ERICH1: variants seen among roughly 807,000 people sequenced by gnomAD.
ERICH1 encodes the protein glutamate-rich protein 1.
Under a neutral mutation model 39.6 loss-of-function variants are expected in ERICH1, and 56 were observed. That is an observed-to-expected ratio of 1.41 (90% CI 1.14 to 1.77). ERICH1 has a LOEUF of 1.77. ERICH1 is among the 40% of genes most tolerant of loss of function. The pLI is 0.00. For missense variants in ERICH1, 826 were observed against 575.4 expected (o/e 1.44, Z -4.45); for synonymous variants, 313 against 223.6 (o/e 1.40, Z -3.57).
In ERICH1 at chr8:636,430, T is replaced by A. The variant is rs559458058; in HGVS notation, c.977-21146A>T. Reference sequence around the variant, plus strand: ...GTTCCTCCCTCATAGAAAATACTCTTAGCTGTTCCCAAAGGAGACGGCCCA... The same window carrying A: ...GTTCCTCCCTCATAGAAAATACTCTAAGCTGTTCCCAAAGGAGACGGCCCA... On this transcript the variant is annotated intron_variant, in intron 3 of 3. Coordinates refer to the ERICH1 transcript ENST00000522706. Among the ~76,000 whole-genome samples, 4 of 152,336 alleles carry A rather than the reference T, an allele frequency of 2.6e-5. No homozygotes were observed. In the East Asian group the frequency reaches 5.8e-4, roughly 22 times the overall value.
chr8:700,320 CG>C (rs1811697385), intron 2 of ERICH1, among the ~76,000 whole-genome samples: 2 of 111,670 alleles, frequency 1.8e-5, no homozygotes, highest in African/African-American at 5.9e-5. Flanking sequence ...CCCGCACACG[CG>C]CACAGGCCCG....
intron 3 of ERICH1, among the ~76,000 whole-genome samples, chr8:684,281 G>A (rs1806803916): frequency 6.6e-6 from 1 of 152,006 alleles, no homozygotes. Context: ...TTAATTTAAA[G>A]AATAGGAAAG....
chr8:679,354 A>G (rs1805589738), intron 3 of ERICH1, among the ~76,000 whole-genome samples: 1 of 95,156 alleles, frequency 1.1e-5, no homozygotes, highest in South Asian at 4.1e-4. Context: ...CCCACCCCTC[A>G]CAAAAGCTCT....
intron 5 of ERICH1, chr8:667,147 C>G (rs1802378668): frequency 6.5e-6 from 1 of 152,830 alleles, no homozygotes; most frequent in Non-Finnish European, 1.5e-5. Context: ...TAGAAGCCCA[C>G]AAGGCTCACA....
intron 3 of ERICH1, among the ~76,000 whole-genome samples, chr8:688,251 G>C (rs1244059882): frequency 1.5e-5 from 1 of 66,254 alleles, no homozygotes; most frequent in South Asian, 5.4e-4. Flanking sequence ...AAGGTAAAGC[G>C]GCACCCCGCC....
intron 2 of ERICH1, among the ~76,000 whole-genome samples, chr8:703,404 C>T (rs1249772581): frequency 6.6e-6 from 1 of 152,032 alleles, no homozygotes; most frequent in Non-Finnish European, 1.5e-5. Context: ...GAATGGCAGC[C>T]GAGACACAGC....
intron 3 of ERICH1, among the ~76,000 whole-genome samples, chr8:650,654 GAGA>G (rs1439149255): frequency 9.2e-5 from 14 of 152,216 alleles, no homozygotes; most frequent in South Asian, 2.1e-4. Flanking sequence ...TAGGGCAGGA[GAGA>G]AGGAGGACAT....
intron 3 of ERICH1, among the ~76,000 whole-genome samples, chr8:683,416 G>A (rs1363931394): frequency 6.6e-6 from 1 of 152,236 alleles, no homozygotes; most frequent in Admixed American, 6.5e-5. Context: ...CACCCCTCCA[G>A]GGTCAGCCGT....
intron 3 of ERICH1, among the ~76,000 whole-genome samples, chr8:684,519 ACTAAAACG>A (rs1298251591): frequency 6.6e-6 from 1 of 152,222 alleles, no homozygotes; most frequent in Non-Finnish European, 1.5e-5. Context: ...TGAAAACTTA[ACTAAAACG>A]CTCATTTACT....
At chr8:624,080 A>G (rs760255947) in intron 3 of ERICH1, among the ~76,000 whole-genome samples, 1 of 152,258 alleles carries the variant, frequency 6.6e-6, no homozygotes, top group Non-Finnish European at 1.5e-5. Flanking sequence ...CAGATTAGTG[A>G]AGGATTTGAA....
At chr8:674,844 G>T (rs970377253) in intron 3 of ERICH1, among the ~76,000 whole-genome samples, 1 of 152,230 alleles carries the variant, frequency 6.6e-6, no homozygotes, top group Non-Finnish European at 1.5e-5. Context: ...TTTATAAATA[G>T]CATAGGTTGG....
At chr8:669,854 AC>A (rs1340844794) in intron 4 of ERICH1, among the ~76,000 whole-genome samples, 1 of 152,166 alleles carries the variant, frequency 6.6e-6, no homozygotes, top group African/African-American at 2.4e-5. Context: ...ACTGCAATTC[AC>A]TTGCCTCTGG....
intron 3 of ERICH1, among the ~76,000 whole-genome samples, chr8:651,532 C>A (rs935727031): frequency 8.5e-5 from 13 of 152,058 alleles, no homozygotes; most frequent in African/African-American, 3.1e-4. Flanking sequence ...GCTCCCACTG[C>A]CCAAAGAAGA....
At chr8:692,014 C>A (rs1476894096) in intron 3 of ERICH1, among the ~76,000 whole-genome samples, 1 of 152,110 alleles carries the variant, frequency 6.6e-6, no homozygotes, top group Non-Finnish European at 1.5e-5. Context: ...CATGCAACAA[C>A]AATAGGAATT....
chr8:676,253 CGT>C (rs1563235968), intron 3 of ERICH1, among the ~76,000 whole-genome samples: 1 of 7,960 alleles, frequency 1.3e-4, no homozygotes, highest in Admixed American at 9.1e-4. Flanking sequence ...GGCGGCCCCT[CGT>C]GAGGACAGAG....
intron 1 of ERICH1, among the ~76,000 whole-genome samples, chr8:723,599 C>T (rs959571860): frequency 6.6e-6 from 1 of 152,216 alleles, no homozygotes; most frequent in Non-Finnish European, 1.5e-5. Context: ...CCAAATTCTG[C>T]TCTCTCAGTG....
chr8:717,735 A>G (rs1463394351), intron 1 of ERICH1, among the ~76,000 whole-genome samples: 1 of 152,262 alleles, frequency 6.6e-6, no homozygotes, highest in African/African-American at 2.4e-5. Context: ...CAACGCGGAC[A>G]TGTGGCTGAA....
At position 658,019 on chromosome 8, in the gene ERICH1, G is replaced by A. The variant is rs545088189; in HGVS notation, c.976+10579C>T. ...GGGGCATCCAGGAGGGGCCCCACCC[G>A]ATCCCCACGGACCATGTTTGAGAGA... On this transcript the variant is annotated intron_variant, in intron 3 of 3. Transcript: ENST00000522706. Among the ~76,000 whole-genome samples, 5 of 152,186 alleles carry A rather than the reference G, an allele frequency of 3.3e-5. No individual in the cohort carries two copies. The East Asian group carries it at 7.7e-4, about 24-fold the overall frequency.
intron 3 of ERICH1, chr8:626,812 A>G (rs1797617130): frequency 4.1e-6 from 1 of 242,432 alleles, no homozygotes; most frequent in Admixed American, 4.2e-5. Flanking sequence ...TTGCTGATTT[A>G]TATCACATCA....
Sources: gnomAD v4.1 joint callset for allele counts (sites outside exome capture counted in the v4.1 genomes callset) on GRCh38, gnomAD v4.1.1 for gene constraint, MANE v1.5 for transcripts, NCBI Gene and HGNC (gene_info 2026-07-23, HGNC 2026-07-21) for gene names.